HCN1: variants seen among roughly 807,000 people sequenced by gnomAD.
HCN1 encodes the protein potassium/sodium hyperpolarization-activated cyclic nucleotide-gated channel 1.
Under a neutral mutation model 78.9 loss-of-function variants are expected in HCN1, and 13 were observed. The ratio of observed to expected loss-of-function variants is 0.16; its 90% CI spans 0.11 to 0.26. The LOEUF is 0.26. Ranked by LOEUF, HCN1 falls within the 10% of genes least tolerant of loss-of-function variation. The probability of loss-of-function intolerance (pLI) is 1.00; values close to 1 mark genes in which losing one functional copy is unlikely to be tolerated. For synonymous variants in HCN1, 552 were observed against 455.5 expected (o/e 1.21, Z -2.70); for missense variants, 810 against 1,154.3 (o/e 0.70, Z 4.32).
rs111843820 is a variant in HCN1 at position 45,447,575 on chromosome 5, A to T, written c.1011+14271T>A. Among the ~76,000 whole-genome samples the T allele has an allele frequency of 9.0e-3, 1,374 of 152,286 alleles. 21 individuals are homozygous for T. Among genetic ancestry groups the T allele is most frequent in the African/African-American group, 0.032 (1,316 of 41,560 alleles). Reference sequence around the variant, plus strand: ...TATTAATATGTTGAAAATAACTCCGATCTGAAGACAGGATCCTAAAGATGT... The same window carrying T: ...TATTAATATGTTGAAAATAACTCCGTTCTGAAGACAGGATCCTAAAGATGT... On this transcript the variant is annotated intron_variant, in intron 3 of 7. Transcript: ENST00000303230.
intron 4 of HCN1, among the ~76,000 whole-genome samples, chr5:45,396,151 C>T (rs939000200): frequency 2.6e-5 from 4 of 151,996 alleles, no homozygotes; most frequent in East Asian, 1.9e-4. Context: ...CTAACACATA[C>T]GAGAGAAGGG....
At chr5:45,595,742 TA>T (rs753982256) in intron 2 of HCN1, among the ~76,000 whole-genome samples, 8 of 151,068 alleles carry the variant, frequency 5.3e-5, no homozygotes, top group Admixed American at 2.6e-4. Flanking sequence ...ATGAAACAAT[TA>T]AAAAAAAACC....
At chr5:45,336,583 C>A (rs1228494286) in intron 5 of HCN1, among the ~76,000 whole-genome samples, 2 of 152,046 alleles carry the variant, frequency 1.3e-5, no homozygotes, top group Non-Finnish European at 2.9e-5. Flanking sequence ...GGAACTTGAA[C>A]AATTGTTTGA....
At chr5:45,492,319 TGTGA>T (rs1482080195) in intron 2 of HCN1, among the ~76,000 whole-genome samples, 105 of 148,884 alleles carry the variant, frequency 7.1e-4, no homozygotes, top group African/African-American at 2.4e-3. Flanking sequence ...TGTGTGTGTG[TGTGA>T]GAGAGAGAGG....
chr5:45,288,715 A>G (rs1745316259), intron 6 of HCN1, among the ~76,000 whole-genome samples: 1 of 152,102 alleles, frequency 6.6e-6, no homozygotes, highest in South Asian at 2.1e-4. Flanking sequence ...GGTTCCCTAG[A>G]CATAACTTGT....
chr5:45,401,243 T>A (rs879366510), intron 3 of HCN1, among the ~76,000 whole-genome samples: 4 of 152,148 alleles, frequency 2.6e-5, no homozygotes, highest in Non-Finnish European at 4.4e-5. Context: ...GAGTGAGAAA[T>A]AATAACCCAT....
rs1744594091 is a variant in HCN1 at position 45,255,652 on chromosome 5, A to G, written c.*6269T>C. 1 of 152,256 alleles carries G rather than the reference A, an allele frequency of 6.6e-6. No homozygotes were observed. The highest frequency in any genetic ancestry group is 1.5e-5 in the Non-Finnish European group (1 of 68,048). The allele number at this position is 152,256 out of a possible 1,614,324, so 9.4% of individuals were successfully genotyped here. ...ACAAGATTTAATTTTGAATGCTTGG[A>G]AACTAAGACCTTGAACAAATATGAG... On this transcript the variant is annotated 3_prime_UTR_variant, in exon 8 of 8. Transcript: ENST00000303230.
chr5:45,583,512 T>G (rs1265642436), intron 2 of HCN1, among the ~76,000 whole-genome samples: 1 of 152,192 alleles, frequency 6.6e-6, no homozygotes, highest in East Asian at 1.9e-4. Flanking sequence ...GGGTTTTTTG[T>G]GTCTCTATTT....
intron 4 of HCN1, among the ~76,000 whole-genome samples, chr5:45,357,859 A>C (rs950404097): frequency 6.6e-6 from 1 of 152,032 alleles, no homozygotes; most frequent in Non-Finnish European, 1.5e-5. Context: ...TCAAGGACAA[A>C]GATTATGCCC....
At chr5:45,321,635 T>G (rs75281138) in intron 5 of HCN1, among the ~76,000 whole-genome samples, 6 of 151,886 alleles carry the variant, frequency 4.0e-5, no homozygotes, top group Non-Finnish European at 1.5e-5. Flanking sequence ...CTATTTTTTT[T>G]GCTTAAATGT....
chr5:45,666,736 G>A (rs1746058398), intron 1 of HCN1, among the ~76,000 whole-genome samples: 1 of 151,986 alleles, frequency 6.6e-6, no homozygotes, highest in African/African-American at 2.4e-5. Context: ...CACAGTGTAT[G>A]CAACTACAGT....
At chr5:45,654,595 T>C (rs1745733377) in intron 1 of HCN1, among the ~76,000 whole-genome samples, 1 of 152,162 alleles carries the variant, frequency 6.6e-6, no homozygotes, top group Non-Finnish European at 1.5e-5. Context: ...CTGAGGTCTA[T>C]GTTTTAGCTG....
chr5:45,626,837 A>G (rs1745170863), intron 2 of HCN1, among the ~76,000 whole-genome samples: 1 of 152,012 alleles, frequency 6.6e-6, no homozygotes, highest in South Asian at 2.1e-4. Flanking sequence ...GAGTTATAAG[A>G]TCCAATTAAA....
chr5:45,694,313 ACTTT>A (rs1466691956), intron 1 of HCN1, among the ~76,000 whole-genome samples: 3 of 152,126 alleles, frequency 2.0e-5, no homozygotes, highest in African/African-American at 4.8e-5. Flanking sequence ...AAAATTATAC[ACTTT>A]CTAAAATCCA....
intron 1 of HCN1, among the ~76,000 whole-genome samples, chr5:45,687,646 A>C (rs1196020836): frequency 6.6e-6 from 1 of 151,882 alleles, no homozygotes; most frequent in African/African-American, 2.4e-5. Flanking sequence ...ATCCCTCTGG[A>C]CCTTCTTTGG....
chr5:45,585,326 C>A (rs537228483), intron 2 of HCN1, among the ~76,000 whole-genome samples: 1 of 152,254 alleles, frequency 6.6e-6, no homozygotes, highest in South Asian at 2.1e-4. Flanking sequence ...AAATCGGCTA[C>A]TGAGGCTTGT....
At chr5:45,334,814 C>A (rs1746421343) in intron 5 of HCN1, among the ~76,000 whole-genome samples, 1 of 151,878 alleles carries the variant, frequency 6.6e-6, no homozygotes, top group African/African-American at 2.4e-5. Context: ...ACATGAATAT[C>A]TTAAAATTTA....
chr5:45,504,481 T>G (rs1031410662), intron 2 of HCN1, among the ~76,000 whole-genome samples: 4 of 152,224 alleles, frequency 2.6e-5, no homozygotes, highest in African/African-American at 9.6e-5. Flanking sequence ...TGCCACATTT[T>G]CTTAATCCAG....
intron 2 of HCN1, among the ~76,000 whole-genome samples, chr5:45,473,687 A>G (rs1023584635): frequency 6.6e-6 from 1 of 151,612 alleles, no homozygotes; most frequent in African/African-American, 2.4e-5. Context: ...GCATGCTTAA[A>G]TCTTTCCTAT....
Sources: allele counts gnomAD v4.1 joint callset (sites outside exome capture counted in the v4.1 genomes callset), GRCh38; gene constraint gnomAD v4.1.1; transcripts MANE v1.5; gene names NCBI Gene and HGNC (gene_info 2026-07-23, HGNC 2026-07-21).